The following SNTG2 variants were observed in gnomAD, a reference collection of about 807,000 sequenced individuals.
SNTG2 encodes gamma-2-syntrophin.
Under a neutral mutation model 70.9 loss-of-function variants are expected in SNTG2, and 74 were observed. That is an observed-to-expected ratio of 1.04 (90% CI 0.86 to 1.27). The LOEUF (loss-of-function observed/expected upper bound fraction) is 1.27. Ranked by LOEUF, SNTG2 falls within the 50% of genes most tolerant of loss-of-function variation. The pLI is 0.00. For synonymous variants in SNTG2, 278 were observed against 273.8 expected (o/e 1.02, Z -0.15); for missense variants, 717 against 690.7 (o/e 1.04, Z -0.43).
Position 1,083,539 on chromosome 2 carries a change from TTG to T in SNTG2, c.96_97del (p.Tyr33Ter). 2 of 1,613,690 alleles carry T rather than the reference TTG, an allele frequency of 1.2e-6. No homozygotes were observed. ...PARTKTTIALLYDEESENAYD... is the reference protein window; with the variant it reads ...PARTKTTIALXYDEESENAYD... ...ACAGACGAAAACCACTATTGCTCTG[TTG>T]TATGATGAAGAGTCCGAAAATGCCT... On this transcript the variant is annotated frameshift_variant, in exon 2 of 17. Coordinates refer to ENST00000308624, the MANE Select transcript of SNTG2 (RefSeq NM_018968.4). LOFTEE classifies it high-confidence loss of function.
chr2:1,294,864 A>T (rs929707865), intron 14 of SNTG2, among the ~76,000 whole-genome samples: 28 of 152,224 alleles, frequency 1.8e-4, no homozygotes, highest in African/African-American at 6.8e-4. Flanking sequence ...GAAGAAATCA[A>T]GCCTGCAGAA....
chr2:1,330,922 G>A (rs1289929350), intron 16 of SNTG2, among the ~76,000 whole-genome samples: 4 of 152,132 alleles, frequency 2.6e-5, no homozygotes, highest in Non-Finnish European at 4.4e-5. Flanking sequence ...GATGTGTGCC[G>A]GTTGATGAGT....
chr2:1,224,896 G>T (rs575262309), intron 9 of SNTG2, among the ~76,000 whole-genome samples: 1 of 152,186 alleles, frequency 6.6e-6, no homozygotes, highest in Non-Finnish European at 1.5e-5. Context: ...TGGAGTTCAC[G>T]GAACCCCTCC....
intron 8 of SNTG2, among the ~76,000 whole-genome samples, chr2:1,181,446 C>A (rs565791153): frequency 1.3e-5 from 2 of 152,298 alleles, no homozygotes. Flanking sequence ...CTTTCATCCT[C>A]CCAGGGCCAG....
chr2:1,338,729 A>G (rs1659940427), intron 16 of SNTG2, among the ~76,000 whole-genome samples: 1 of 152,146 alleles, frequency 6.6e-6, no homozygotes, highest in African/African-American at 2.4e-5. Flanking sequence ...GCTGAATTAT[A>G]TTGCATTTCA....
At chr2:1,299,083 G>C (rs770124521) in intron 14 of SNTG2, among the ~76,000 whole-genome samples, 22 of 152,108 alleles carry the variant, frequency 1.4e-4, no homozygotes, top group Admixed American at 7.2e-4. Context: ...TATCCCATTA[G>C]TTCTGTCTGT....
chr2:1,281,409 TTGTGTG>T (rs1553272290), intron 14 of SNTG2, among the ~76,000 whole-genome samples: 1 of 2,428 alleles, frequency 4.1e-4, no homozygotes, highest in East Asian at 0.021. Context: ...ATGTGGTGTG[TTGTGTG>T]TGTGTGTGTG....
At chr2:985,692 C>T (rs1009925343) in intron 1 of SNTG2, among the ~76,000 whole-genome samples, 2 of 152,110 alleles carry the variant, frequency 1.3e-5, no homozygotes, top group African/African-American at 4.8e-5. Flanking sequence ...GTATTCTTGC[C>T]TACACAAGTT....
chr2:978,100 C>T (rs544767601), intron 1 of SNTG2, among the ~76,000 whole-genome samples: 2 of 152,234 alleles, frequency 1.3e-5, no homozygotes, highest in South Asian at 2.1e-4. Context: ...CCAACATGGG[C>T]GAATCCACCC....
At chr2:969,078 A>G (rs1015308784) in intron 1 of SNTG2, among the ~76,000 whole-genome samples, 2 of 152,166 alleles carry the variant, frequency 1.3e-5, no homozygotes, top group East Asian at 3.9e-4. Context: ...AATCTTCTCC[A>G]TATGGCAAGT....
chr2:1,113,162 C>G (rs1346764470), intron 4 of SNTG2, among the ~76,000 whole-genome samples: 1 of 149,092 alleles, frequency 6.7e-6, no homozygotes, highest in East Asian at 2.0e-4. Context: ...ATCGTGGGTA[C>G]TAAGTGAGGT....
intron 4 of SNTG2, among the ~76,000 whole-genome samples, chr2:1,116,924 G>T (rs1309079908): frequency 6.9e-6 from 1 of 144,472 alleles, no homozygotes; most frequent in Non-Finnish European, 1.5e-5. Flanking sequence ...GTGTGTGGGT[G>T]CCCTGGCGTG....
In SNTG2 at chr2:996,473, G is replaced by A. The variant is rs999407482; in HGVS notation, c.72+45405G>A. ...TTAGGAATAAACATAAACATTTCTTGTGACTTCATCTAAATCAAAAGTGGG... is the reference window on the plus strand; with the variant it reads ...TTAGGAATAAACATAAACATTTCTTATGACTTCATCTAAATCAAAAGTGGG... On this transcript the variant is annotated intron_variant, in intron 1 of 16. Transcript: ENST00000308624. 2.6e-5 allele frequency among the ~76,000 whole-genome samples: 4 copies of A among 152,062 alleles called. No individual in the cohort carries two copies. The East Asian group carries it at 7.7e-4, about 29-fold the overall frequency.
chr2:1,321,884 C>T (rs372903129), intron 16 of SNTG2, among the ~76,000 whole-genome samples: 1 of 29,988 alleles, frequency 3.3e-5, no homozygotes, highest in Admixed American at 3.9e-4. Context: ...CTCCTTCCTT[C>T]CTTCCTTTCC....
At chr2:1,066,460 A>G (rs116386040) in intron 1 of SNTG2, among the ~76,000 whole-genome samples, 1,654 of 151,952 alleles carry the variant, frequency 0.011, 28 homozygotes, top group African/African-American at 0.038. Context: ...TGCTGGGCAC[A>G]CTTCTCAGAT....
At chr2:953,988 G>A (rs1166503202) in intron 1 of SNTG2, among the ~76,000 whole-genome samples, 1 of 151,708 alleles carries the variant, frequency 6.6e-6, no homozygotes, top group African/African-American at 2.4e-5. Context: ...GGTGACAGAG[G>A]GTGTGTTTGC....
intron 1 of SNTG2, among the ~76,000 whole-genome samples, chr2:1,040,255 C>T (rs532448260): frequency 2.6e-5 from 4 of 152,278 alleles, no homozygotes; most frequent in East Asian, 1.9e-4. Context: ...TCCCTGTGGG[C>T]GGAACCCAGG....
intron 6 of SNTG2, among the ~76,000 whole-genome samples, chr2:1,140,058 G>T (rs1000829159): frequency 1.3e-5 from 2 of 152,028 alleles, no homozygotes; most frequent in African/African-American, 2.4e-5. Flanking sequence ...TCTAAAAGAC[G>T]TATAAATCAT....
At chr2:1,338,592 T>A (rs549067383) in intron 16 of SNTG2, among the ~76,000 whole-genome samples, 161 of 152,308 alleles carry the variant, frequency 1.1e-3, no homozygotes, top group Non-Finnish European at 1.2e-3. Flanking sequence ...ATTTGCTTTT[T>A]CTAGGTGCCT....
Sources: gnomAD v4.1 joint callset for allele counts (sites outside exome capture counted in the v4.1 genomes callset) on GRCh38, gnomAD v4.1.1 for gene constraint, MANE v1.5 for transcripts, NCBI Gene and HGNC (gene_info 2026-07-23, HGNC 2026-07-21) for gene names.